DHX8: variants seen among roughly 807,000 people sequenced by gnomAD.
DHX8 encodes DEAH-box helicase 8.
DHX8 carries 67 observed loss-of-function variants against 140.7 expected under a neutral mutation model. The observed-to-expected ratio is 0.48, with a 90% confidence interval of 0.39 to 0.58. DHX8 has a LOEUF of 0.58. Among genes scored for constraint, DHX8 ranks in the 20% least tolerant of loss-of-function variants. The pLI, the probability that DHX8 is intolerant of heterozygous loss-of-function variation, is 0.00. For synonymous variants in DHX8, 533 were observed against 553.2 expected (o/e 0.96, Z 0.51); for missense variants, 887 against 1,550.7 (o/e 0.57, Z 7.19).
chr17:43,509,946 G>A (rs1050778456), intron 16 of DHX8, among the ~76,000 whole-genome samples: 24 of 152,250 alleles, frequency 1.6e-4, no homozygotes, highest in African/African-American at 4.8e-4. Flanking sequence ...TGGGATTACC[G>A]GCGTGAGCCA....
chr17:43,540,590 T>G lies in DHX8; in HGVS notation c.*21-3572T>G, dbSNP rs1971471742. ...ATAAGGAAGTCTCCTGTGTCAGGCT[T>G]GAGTGCAGTGGCACAATCAGAGCTC... On this transcript the variant is annotated intron_variant, in intron 3 of 3. Transcript: ENST00000589898. Among the ~76,000 whole-genome samples the G allele has an allele frequency of 2.0e-5, 3 of 152,176 alleles. No individual in the cohort carries two copies. In the South Asian group the frequency reaches 6.2e-4, roughly 32 times the overall value.
In DHX8 at chr17:43,524,655, A is replaced by T; in HGVS notation, c.*808A>T. The T allele has an allele frequency of 1.0e-6, 1 of 985,448 alleles. No individual in the cohort carries two copies. Among genetic ancestry groups the T allele is most frequent in the Non-Finnish European group, 1.2e-6 (1 of 829,958 alleles). The allele number at this position is 985,448 out of a possible 1,614,324, so 61.0% of individuals were successfully genotyped here. A position where few individuals can be genotyped will look rare whatever the true frequency, so the allele number is the denominator to read the frequency against. On this transcript the variant is annotated 3_prime_UTR_variant, in exon 23 of 23. Transcript: ENST00000262415. ...TTTCCCCTTGCTCCCTCCACCTCCC[A>T]CATTCGCAATGTGCAGCATGTCCCA...
In DHX8 at chr17:43,521,511, G is replaced by A. The variant is rs771339742; in HGVS notation, c.3209G>A (p.Arg1070His). The change falls in exon 21 of 23, where the codon CGT becomes CAT. Residue 1070 changes from arginine to histidine, a missense_variant. Transcript: ENST00000262415. ...PWCYENFIQA[R>H]SLRRAQDIRK... ...TGCTATGAGAACTTTATCCAGGCTC[G>A]TTCCCTGCGCCGGGCCCAGGACATT... 6.2e-6 allele frequency: 10 copies of A among 1,613,798 alleles called. No homozygotes were observed. The highest frequency in any genetic ancestry group is 5.9e-6 in the Non-Finnish European group (7 of 1,179,944).
intron 19 of DHX8, 107 bp downstream of exon 19, chr17:43,520,374 G>A: frequency 7.3e-7 from 1 of 1,369,798 alleles, no homozygotes; most frequent in East Asian, 2.3e-5. Flanking sequence ...TAAGCTTTGA[G>A]TAAAATTCTA....
At chr17:43,530,405 C>T, downstream of DHX8, 1 of 1,421,002 alleles carries the variant, frequency 7.0e-7, no homozygotes, top group Non-Finnish European at 9.2e-7. Flanking sequence ...CGGCTGAGGC[C>T]ATGGAAGGCA....
At chr17:43,511,145 T>TA (rs1457240996) in intron 16 of DHX8, among the ~76,000 whole-genome samples, 2 of 151,956 alleles carry the variant, frequency 1.3e-5, no homozygotes, top group Non-Finnish European at 2.9e-5. Context: ...GCCTGGCTGA[T>TA]ATGGTGAAAC....
chr17:43,520,329 C>T, intron 19 of DHX8, 62 bp downstream of exon 19: 1 of 1,588,240 alleles, frequency 6.3e-7, no homozygotes. Context: ...CTTTCACATC[C>T]TTCGGTCTGT....
At chr17:43,511,056 G>A (rs997067298) in intron 16 of DHX8, among the ~76,000 whole-genome samples, 5 of 152,112 alleles carry the variant, frequency 3.3e-5, no homozygotes, top group Admixed American at 6.6e-5. Flanking sequence ...GGAGCTGAGC[G>A]CAGTGGCTCA....
chr17:43,531,860 A>G, intron 2 of DHX8, among the ~76,000 whole-genome samples: 1 of 152,146 alleles, frequency 6.6e-6, no homozygotes, highest in Middle Eastern at 3.2e-3. Context: ...CATCCTATTC[A>G]TCTTTGTATT....
chr17:43,513,427 C>T lies in DHX8; in HGVS notation c.2568C>T (p.Asp856=). The part of the protein sequence containing the change: ...LTIDGIYYVV[D]PGFVKQKVYN... Reference sequence around the variant, plus strand: ...TTGATGGTATCTACTATGTGGTGGACCCAGGATTCGTGAAACAGAAAGTTT... The same window carrying T: ...TTGATGGTATCTACTATGTGGTGGATCCAGGATTCGTGAAACAGAAAGTTT... Residue 856 remains aspartate, a synonymous_variant, in exon 17 of 23, where the codon GAC becomes GAT. Coordinates refer to ENST00000262415, the MANE Select transcript of DHX8 (RefSeq NM_004941.3). 3.7e-6 allele frequency: 6 copies of T among 1,613,996 alleles called. No individual in the cohort carries two copies. The highest frequency in any genetic ancestry group is 5.1e-6 in the Non-Finnish European group (6 of 1,179,978).
At chr17:43,489,786 T>G (rs1968395423) in intron 2 of DHX8, among the ~76,000 whole-genome samples, 1 of 152,114 alleles carries the variant, frequency 6.6e-6, no homozygotes, top group Admixed American at 6.6e-5. Flanking sequence ...GAGATGGGGT[T>G]TCACCGTGTT....
intron 12 of DHX8, among the ~76,000 whole-genome samples, chr17:43,505,113 A>G (rs1969415339): frequency 6.6e-6 from 1 of 152,118 alleles, no homozygotes; most frequent in South Asian, 2.1e-4. Context: ...TTGTCTCTAC[A>G]AAAAATAAAA....
At chr17:43,543,665 GGGGCAAAGCTCTGCCTGTAAATTGGAGCT>G (rs1971643299) in intron 3 of DHX8, among the ~76,000 whole-genome samples, 1 of 152,148 alleles carries the variant, frequency 6.6e-6, no homozygotes, top group Non-Finnish European at 1.5e-5. Context: ...ATGGGGAGAC[GGGGCAAAGCTCTGCCTGTAAATTGGAGCT>G]GGGCATGCAG....
In DHX8 at chr17:43,500,123, G is replaced by C. The variant is rs766015485; in HGVS notation, c.1546+20G>C. The C allele has an allele frequency of 1.2e-6, 2 of 1,605,944 alleles. No individual in the cohort carries two copies. Among genetic ancestry groups the C allele is most frequent in the Non-Finnish European group, 8.5e-7 (1 of 1,175,620 alleles). On this transcript the variant is annotated intron_variant, in intron 11 of 22. Transcript: ENST00000262415. ...CTGATGGTAGGACCCTTGGAGGGGT[G>C]TATGGACCTTGTTTAAAAATCTGAG...
chr17:43,527,910 G>A (rs1970666352), downstream of DHX8: 1 of 232,870 alleles, frequency 4.3e-6, no homozygotes, highest in Non-Finnish European at 8.5e-6. Context: ...ACAAACCCAG[G>A]CCTGGGCCTA....
chr17:43,528,636 C>A (rs370340037), downstream of DHX8: 1 of 1,614,038 alleles, frequency 6.2e-7, no homozygotes, highest in African/African-American at 1.3e-5. Flanking sequence ...CACTGACAGG[C>A]CGGTCAAACT....
downstream of DHX8, chr17:43,530,393 T>A (rs530681869): frequency 3.4e-4 from 481 of 1,432,226 alleles, 4 homozygotes; most frequent in Middle Eastern, 8.5e-3. Flanking sequence ...ACTTGAGGGC[T>A]GCGGCTGAGG....
At chr17:43,496,938 T>A (rs9894910) in intron 9 of DHX8, among the ~76,000 whole-genome samples, 33,677 of 152,056 alleles carry the variant, frequency 0.22, 3,982 homozygotes, top group East Asian at 0.32. Flanking sequence ...ATGACTTTTT[T>A]GAAATTATGA....
chr17:43,540,620 C>G (rs781267166), intron 3 of DHX8, among the ~76,000 whole-genome samples: 2 of 152,168 alleles, frequency 1.3e-5, no homozygotes, highest in Non-Finnish European at 2.9e-5. Context: ...GAGCTCACTG[C>G]AGCCTCTAAC....
Sources: gnomAD v4.1 joint callset for allele counts (sites outside exome capture counted in the v4.1 genomes callset) on GRCh38, gnomAD v4.1.1 for gene constraint, MANE v1.5 for transcripts, NCBI Gene and HGNC (gene_info 2026-07-23, HGNC 2026-07-21) for gene names.